HPS5: variants seen among roughly 807,000 people sequenced by gnomAD.
HPS5 encodes HPS5 biogenesis of lysosomal organelles complex 2 subunit 2, also known as BLOC-2 complex member HPS5.
HPS5 carries 83 observed loss-of-function variants against 128.0 expected under a neutral mutation model. The observed-to-expected ratio is 0.65, with a 90% CI of 0.54 to 0.78. The LOEUF is 0.78. HPS5 is among the 30% of genes least tolerant of loss of function. HPS5 has a pLI of 0.00. For missense variants in HPS5, 1,281 were observed against 1,326.2 expected (o/e 0.97, Z 0.53); for synonymous variants, 475 against 470.2 (o/e 1.01, Z -0.13).
At chr11:18,311,511 A>ATTATTTTTTTTT in intron 3 of HPS5, 60 bp from the exon 4 acceptor site, 1 of 530,690 alleles carries the variant, frequency 1.9e-6, no homozygotes. Flanking sequence ...TATTATTATT[A>ATTATTTTTTTTT]TTTTTTTTTT....
rs281865101 is a variant in HPS5 at position 18,305,438 on chromosome 11, T to TG, written c.879dup (p.Lys294GlnfsTer6). The TG allele has an allele frequency of 1.9e-6, 3 of 1,608,034 alleles. No individual in the cohort carries two copies. The highest frequency in any genetic ancestry group is 2.6e-6 in the Non-Finnish European group (3 of 1,174,706). On this transcript the variant is annotated frameshift_variant, in exon 8 of 23. Transcript: ENST00000349215. LOFTEE classifies it high-confidence loss of function. ...GAAACTTACCTAAGATGTAAGAGTT[T>TG]GGGGAAAGACAAAGACTGGGAGGAT...
Position 18,291,523 on chromosome 11 carries a change from A to C in HPS5, c.2359T>G (p.Leu787Val). ...FLKKYFFLLN[L>V]KRAKESIKLS... is the part of the protein sequence containing the mutation. The stretch of plus-strand genomic sequence containing the variant: ...TTGATACTCTCCTTCGCTCTTTTCA[A>C]GTTCAGGAGAAAAAAGTACTTCTTC... Residue 787 changes from leucine to valine, a missense_variant, in exon 16 of 23, where the codon TTG becomes GTG. Leu to Val is a conservative substitution (Grantham distance 32). Transcript: ENST00000349215. 1 of 1,611,430 alleles carries C rather than the reference A, an allele frequency of 6.2e-7. No homozygotes were observed. The highest frequency in any genetic ancestry group is 8.5e-7 in the Non-Finnish European group (1 of 1,178,564).
In HPS5 at chr11:18,305,466, A is replaced by T; in HGVS notation, c.852T>A (p.Ala284=). The T allele has an allele frequency of 6.2e-7, 1 of 1,610,662 alleles. No individual in the cohort carries two copies. The change falls in exon 8 of 23, where the codon GCT becomes GCA. Residue 284 remains alanine, a synonymous_variant. Coordinates refer to ENST00000349215, the MANE Select transcript of HPS5 (RefSeq NM_181507.2). Reference sequence around the variant, plus strand: ...GGAAAGACAAAGACTGGGAGGATCCAGCTGTATGATCATACTGAGGTTCTG... The same window carrying T: ...GGAAAGACAAAGACTGGGAGGATCCTGCTGTATGATCATACTGAGGTTCTG... ...LRSEPQYDHT[A]GSSQSLSFPK... is the part of the protein sequence containing the mutation.
intron 2 of HPS5, among the ~76,000 whole-genome samples, chr11:18,316,599 T>G (rs1863656211): frequency 6.6e-6 from 1 of 152,152 alleles, no homozygotes; most frequent in African/African-American, 2.4e-5. Flanking sequence ...GCTATGAAAA[T>G]TATACCTCTA....
chr11:18,285,434 C>G lies in HPS5; in HGVS notation c.2863G>C (p.Gly955Arg). ...PRPHSHLLSW[G>R]YSQLILHLIK... Reference sequence around the variant, plus strand: ...AGATGAAGGATCAGCTGACTGTAACCCCAGGAAAGCAAGTGTGAATGAGGC... The same window carrying G: ...AGATGAAGGATCAGCTGACTGTAACGCCAGGAAAGCAAGTGTGAATGAGGC... The change falls in exon 20 of 23, where the codon GGT becomes CGT. Residue 955 changes from glycine (G) to arginine (R), a missense_variant. Transcript: ENST00000349215. The G allele has an allele frequency of 6.2e-7, 1 of 1,612,412 alleles. No individual in the cohort carries two copies. The highest frequency in any genetic ancestry group is 8.5e-7 in the Non-Finnish European group (1 of 1,178,756).
In HPS5 at chr11:18,289,560, G is replaced by A. The variant is rs1860148206; in HGVS notation, c.2441-1547C>T. 2.7e-5 allele frequency among the ~76,000 whole-genome samples: 4 copies of A among 150,664 alleles called. No homozygotes were observed. In the South Asian group the frequency reaches 8.4e-4, roughly 32 times the overall value. The stretch of plus-strand genomic sequence containing the variant: ...AGCTTGTTTCTTATTTCACACAAAA[G>A]ACAATCTACCTCAACTCAGAAAAAA... On this transcript the variant is annotated intron_variant, in intron 16 of 22. Coordinates refer to ENST00000349215, the MANE Select transcript of HPS5 (RefSeq NM_181507.2).
chr11:18,287,421 T>C lies in HPS5; in HGVS notation c.2717+114A>G, dbSNP rs1012964474. Reference sequence around the variant, plus strand: ...CCTCCCAAATCCTCCTCTTCCATAGTATGTGCCTCAACCCCTTGGTAATTA... The same window carrying C: ...CCTCCCAAATCCTCCTCTTCCATAGCATGTGCCTCAACCCCTTGGTAATTA... On this transcript the variant is annotated intron_variant, in intron 18 of 22. Transcript: ENST00000349215. 10 of 1,143,854 alleles carry C rather than the reference T, an allele frequency of 8.7e-6. No homozygotes were observed. In the East Asian group the frequency reaches 1.4e-4, roughly 16 times the overall value. The allele number at this position is 1,143,854 out of a possible 1,614,324, so 70.9% of individuals were successfully genotyped here. A position where few individuals can be genotyped will look rare whatever the true frequency, so the allele number is the denominator to read the frequency against.
rs1862234959 is a variant in HPS5 at position 18,305,428 on chromosome 11, T to C, written c.890A>G (p.His297Arg). The change falls in exon 8 of 23, where the codon CAT becomes CGT. Residue 297 changes from histidine (H) to arginine (R), a missense_variant. His to Arg is a conservative substitution (Grantham distance 29). Transcript: ENST00000349215. Reference protein sequence around the residue: ...SQSLSFPKLLHLSEHCVLTWT... With the variant: ...SQSLSFPKLLRLSEHCVLTWT... Reference sequence around the variant, plus strand: ...AAGGAAAGTAGAAACTTACCTAAGATGTAAGAGTTTGGGGAAAGACAAAGA... The same window carrying C: ...AAGGAAAGTAGAAACTTACCTAAGACGTAAGAGTTTGGGGAAAGACAAAGA... The C allele has an allele frequency of 3.1e-6, 5 of 1,593,254 alleles. No homozygotes were observed. The highest frequency in any genetic ancestry group is 4.3e-6 in the Non-Finnish European group (5 of 1,161,186).
chr11:18,296,394 T>A (rs1861069151), intron 12 of HPS5: 2 of 542,728 alleles, frequency 3.7e-6, no homozygotes, highest in African/African-American at 3.8e-5. Flanking sequence ...TATTCTCTTC[T>A]CACTAGTTCA....
At chr11:18,296,590 T>C in intron 12 of HPS5, 1 of 661,226 alleles carries the variant, frequency 1.5e-6, no homozygotes, top group South Asian at 1.8e-5. Context: ...GCCCTAATGT[T>C]AGTCCAAACG....
chr11:18,309,922 C>T (rs981433608), intron 5 of HPS5, among the ~76,000 whole-genome samples: 5 of 152,178 alleles, frequency 3.3e-5, no homozygotes, highest in African/African-American at 1.2e-4. Flanking sequence ...AGGATTGCTT[C>T]AGCCTGGGCA....
chr11:18,307,262 T>C (rs2134442557), intron 6 of HPS5, among the ~76,000 whole-genome samples: 1 of 152,330 alleles, frequency 6.6e-6, no homozygotes, highest in East Asian at 1.9e-4. Flanking sequence ...AAGAGTGATC[T>C]AATATGCTCT....
chr11:18,300,153 G>A (rs1312986906), intron 9 of HPS5, among the ~76,000 whole-genome samples: 1 of 152,070 alleles, frequency 6.6e-6, no homozygotes, highest in Non-Finnish European at 1.5e-5. Flanking sequence ...GCTAATAAAT[G>A]TTTAACATGG....
At position 18,279,718 on chromosome 11, in the gene HPS5, C is replaced by T. The variant is rs1858617439; in HGVS notation, c.*164G>A. On this transcript the variant is annotated 3_prime_UTR_variant, in exon 23 of 23. Transcript: ENST00000349215. Reference sequence around the variant, plus strand: ...CACTGAGGTCATGGATAAAGAGTCACAGATGCCGATGCCAAGGGTACAGAC... The same window carrying T: ...CACTGAGGTCATGGATAAAGAGTCATAGATGCCGATGCCAAGGGTACAGAC... 8.8e-6 allele frequency: 6 copies of T among 682,204 alleles called. No individual in the cohort carries two copies. The Admixed American group carries it at 9.4e-5, about 11-fold the overall frequency. The allele number at this position is 682,204 out of a possible 1,614,324, so 42.3% of individuals were successfully genotyped here. A position where few individuals can be genotyped will look rare whatever the true frequency, so the allele number is the denominator to read the frequency against.
chr11:18,288,637 T>A (rs1860024159), intron 16 of HPS5, among the ~76,000 whole-genome samples: 1 of 152,140 alleles, frequency 6.6e-6, no homozygotes, highest in African/African-American at 2.4e-5. Context: ...TGGGTTTTTT[T>A]CCAAGTAGTT....
chr11:18,297,647 T>C lies in HPS5; in HGVS notation c.1235A>G (p.Asp412Gly), dbSNP rs747490409. Residue 412 changes from aspartate (D) to glycine (G), a missense_variant, in exon 11 of 23, where the codon GAT becomes GGT. Transcript: ENST00000349215. ...KSQLDHGTYNDLISQLEELIL... is the reference protein window; with the variant it reads ...KSQLDHGTYNGLISQLEELIL... ...CAATTCTTCCAGTTGAGAAATTAGATCATTGTAGGTGCCATGGTCCAGCTG... is the reference window on the plus strand; with the variant it reads ...CAATTCTTCCAGTTGAGAAATTAGACCATTGTAGGTGCCATGGTCCAGCTG... 3.7e-6 allele frequency: 6 copies of C among 1,613,716 alleles called. No individual in the cohort carries two copies. In the African/African-American group the frequency reaches 6.7e-5, roughly 18 times the overall value.
In HPS5 at chr11:18,285,389, A is replaced by G. The variant is rs1859573049; in HGVS notation, c.2908T>C (p.Phe970Leu). The change falls in exon 20 of 23, where the codon TTT (phenylalanine) becomes CTT (leucine). Residue 970 changes from phenylalanine to leucine, a missense_variant. Phe to Leu is a conservative substitution (Grantham distance 22, BLOSUM62 0). Coordinates refer to ENST00000349215, the MANE Select transcript of HPS5 (RefSeq NM_181507.2). ...TCTGTCATTTTCTCTTTGGTTATAA[A>G]ATCTGCAGGAAGTTTAATTAGATGA... ...ILHLIKLPAD[F>L]ITKEKMTDIC... The G allele has an allele frequency of 6.2e-7, 1 of 1,613,426 alleles. No individual in the cohort carries two copies. The highest frequency in any genetic ancestry group is 1.3e-5 in the African/African-American group (1 of 74,910).
rs760229257 is a variant in HPS5, at chr11:18,291,612, G to A, written c.2270C>T (p.Thr757Ile). 4 of 1,614,002 alleles carry A rather than the reference G, an allele frequency of 2.5e-6. No homozygotes were observed. The highest frequency in any genetic ancestry group is 3.4e-6 in the Non-Finnish European group (4 of 1,180,000). Residue 757 changes from threonine (T) to isoleucine (I), a missense_variant, in exon 16 of 23, where the codon ACC becomes ATC. Coordinates refer to ENST00000349215, the MANE Select transcript of HPS5 (RefSeq NM_181507.2). ...LNVLNSKIKS[T>I]SGHVDHTLQQ... Reference sequence around the variant, plus strand: ...CAAAGTGTGGTCCACATGTCCACTGGTGCTTTTGATCTTAGAATTCAATAC... The same window carrying A: ...CAAAGTGTGGTCCACATGTCCACTGATGCTTTTGATCTTAGAATTCAATAC...
intron 21 of HPS5, 41 bp from the exon 22 acceptor site, chr11:18,282,261 C>T: frequency 1.2e-6 from 2 of 1,610,436 alleles, no homozygotes; most frequent in Non-Finnish European, 1.7e-6. Context: ...CCACTCTTAG[C>T]ACACTGACTG....
Sources: allele counts gnomAD v4.1 joint callset (sites outside exome capture counted in the v4.1 genomes callset), GRCh38; gene constraint gnomAD v4.1.1; transcripts MANE v1.5; gene names NCBI Gene and HGNC (gene_info 2026-07-23, HGNC 2026-07-21).